The following NEDD4L variants were observed in gnomAD, a reference collection of about 807,000 sequenced individuals.
The protein encoded by NEDD4L is E3 ubiquitin-protein ligase NEDD4-like.
NEDD4L carries 54 observed loss-of-function variants against 148.9 expected under a neutral mutation model. The ratio of observed to expected loss-of-function variants is 0.36; its 90% confidence interval spans 0.29 to 0.45. The LOEUF is 0.45. Ranked by LOEUF, NEDD4L falls within the 20% of genes least tolerant of loss-of-function variation. The pLI is 1.00. For missense variants in NEDD4L, 856 were observed against 1,233.8 expected (o/e 0.69, Z 4.59); for synonymous variants, 433 against 440.7 (o/e 0.98, Z 0.22).
At chr18:58,370,895 C>T (rs150101866) in intron 23 of NEDD4L, among the ~76,000 whole-genome samples, 104 of 152,304 alleles carry the variant, frequency 6.8e-4, no homozygotes, top group African/African-American at 2.2e-3. Context: ...ATCAGGCAGA[C>T]GTCCTAGACA....
Position 58,163,636 on chromosome 18 carries a change from T to C in NEDD4L, c.49-2152T>C, listed in dbSNP as rs112742953. On this transcript the variant is annotated intron_variant, in intron 1 of 30. Coordinates refer to ENST00000400345, the MANE Select transcript of NEDD4L (RefSeq NM_001144967.3). ...AAAGTAGGCCATGTTTGAAAGAACA[T>C]TGGCACAAACGAGTTGCGAACATCT... Among the ~76,000 whole-genome samples, 2 of 152,336 alleles carry C rather than the reference T, an allele frequency of 1.3e-5. 1 individual carries two copies. Among genetic ancestry groups the C allele is most frequent in the African/African-American group, 4.8e-5 (2 of 41,586 alleles).
At chr18:58,119,831 G>A (rs942537212) in intron 1 of NEDD4L, among the ~76,000 whole-genome samples, 2 of 152,194 alleles carry the variant, frequency 1.3e-5, no homozygotes, top group African/African-American at 4.8e-5. Flanking sequence ...TTCATTGGTC[G>A]GGGGCTGGCA....
Position 58,333,847 on chromosome 18 carries a change from A to G in NEDD4L, c.1020A>G (p.Ser340=). The change falls in exon 12 of 31, where the codon TCA becomes TCG. Residue 340 remains serine (S), a synonymous_variant. Transcript: ENST00000400345. ...IQREPSSRLR[S]CSVTDAVAEQ... Reference sequence around the variant, plus strand: ...GAGAACCCTCCTCAAGGTTGAGGTCATGCAGTGTCACCGACGCAGTTGCAG... The same window carrying G: ...GAGAACCCTCCTCAAGGTTGAGGTCGTGCAGTGTCACCGACGCAGTTGCAG... The G allele has an allele frequency of 6.2e-7, 1 of 1,613,874 alleles. No individual in the cohort carries two copies. The highest frequency in any genetic ancestry group is 1.1e-5 in the South Asian group (1 of 91,054).
rs369073797 is a variant in NEDD4L at position 58,234,604 on chromosome 18, A to AG, written c.123-10822dup. 5.7e-3 allele frequency among the ~76,000 whole-genome samples: 860 copies of AG among 152,174 alleles called. 8 individuals are homozygous for AG. Among genetic ancestry groups the AG allele is most frequent in the African/African-American group, 0.02 (814 of 41,514 alleles). Reference sequence around the variant, plus strand: ...CCTATCTCAGCCTCCCAAAGGGGCGAGATTACAGGCATGAGCCACTGTGCC... The same window carrying AG: ...CCTATCTCAGCCTCCCAAAGGGGCGAGGATTACAGGCATGAGCCACTGTGCC... On this transcript the variant is annotated intron_variant, in intron 2 of 30. Coordinates refer to ENST00000400345, the MANE Select transcript of NEDD4L (RefSeq NM_001144967.3).
chr18:58,292,532 T>C (rs1173436432), intron 5 of NEDD4L, among the ~76,000 whole-genome samples: 1 of 152,192 alleles, frequency 6.6e-6, no homozygotes, highest in East Asian at 1.9e-4. Context: ...ATGATCTCGC[T>C]CCTCTACTCT....
chr18:58,269,664 A>AT (rs1343028786), intron 5 of NEDD4L, among the ~76,000 whole-genome samples: 8 of 152,054 alleles, frequency 5.3e-5, no homozygotes, highest in Non-Finnish European at 8.8e-5. Context: ...AGGGATTCTG[A>AT]TTTTCAGTCA....
In NEDD4L at chr18:58,329,112, C is replaced by T. The variant is rs756556766; in HGVS notation, c.798C>T (p.Gly266=). The change falls in exon 10 of 31, where the codon GGC becomes GGT. Residue 266 remains glycine, a synonymous_variant. Coordinates refer to ENST00000400345, the MANE Select transcript of NEDD4L (RefSeq NM_001144967.3). ...ACTTGGAGCCCGAGCCCTCGGAGGG[C>T]GGGGATGTCCCCGAGGTACGATGTC... ...SEDLEPEPSE[G]GDVPEPWETI... is the part of the protein sequence containing the mutation. The T allele has an allele frequency of 1.9e-6, 3 of 1,613,888 alleles. No individual in the cohort carries two copies. Among genetic ancestry groups the T allele is most frequent in the South Asian group, 2.2e-5 (2 of 91,026 alleles).
rs3760545 is a variant in NEDD4L at position 58,401,299 on chromosome 18, T to G, written c.*5030T>G. The G allele has an allele frequency of 6.6e-6, 1 of 152,238 alleles. No individual in the cohort carries two copies. The highest frequency in any genetic ancestry group is 2.4e-5 in the African/African-American group (1 of 41,466). The allele number at this position is 152,238 out of a possible 1,614,324, so 9.4% of individuals were successfully genotyped here. A position where few individuals can be genotyped will look rare whatever the true frequency, so the allele number is the denominator to read the frequency against. On this transcript the variant is annotated 3_prime_UTR_variant, in exon 31 of 31. Coordinates refer to ENST00000400345, the MANE Select transcript of NEDD4L (RefSeq NM_001144967.3). ...CCTTGAATTTTTTTAAGGCAACTTA[T>G]GAATAATGCTCATTTTCACAGTCAG...
rs189095719 is a variant in NEDD4L at position 58,082,300 on chromosome 18, G to T, written c.48+37592G>T. ...TTTTTGTATTTTTAGTAGAGACGGG[G>T]TTTCACCATGTTGGCCAGGCTGGGC... On this transcript the variant is annotated intron_variant, in intron 1 of 30. Transcript: ENST00000400345. Among the ~76,000 whole-genome samples, 1,249 of 145,974 alleles carry T rather than the reference G, an allele frequency of 8.6e-3. 16 individuals carry two copies. The highest frequency in any genetic ancestry group is 0.029 in the African/African-American group (1,171 of 39,778).
intron 5 of NEDD4L, among the ~76,000 whole-genome samples, chr18:58,297,302 A>G (rs746896502): frequency 6.6e-6 from 1 of 152,164 alleles, no homozygotes; most frequent in African/African-American, 2.4e-5. Flanking sequence ...GGGGCAGCTT[A>G]TGGACGAGAG....
At chr18:58,082,903 A>T (rs1039101418) in intron 1 of NEDD4L, among the ~76,000 whole-genome samples, 1 of 152,104 alleles carries the variant, frequency 6.6e-6, no homozygotes, top group African/African-American at 2.4e-5. Flanking sequence ...GCTGTTTCTA[A>T]TATTTCTGTA....
chr18:58,197,408 G>A (rs1370169338), intron 2 of NEDD4L, among the ~76,000 whole-genome samples: 9 of 152,062 alleles, frequency 5.9e-5, no homozygotes, highest in Admixed American at 5.2e-4. Context: ...AGAAGGAAAC[G>A]GGGCCCCCTC....
At chr18:58,127,308 G>A (rs899424422) in intron 1 of NEDD4L, among the ~76,000 whole-genome samples, 8 of 152,226 alleles carry the variant, frequency 5.3e-5, no homozygotes, top group South Asian at 2.1e-4. Context: ...GGACGTCCCC[G>A]TCATCACAGG....
At chr18:58,047,294 A>G (rs2081629098) in intron 1 of NEDD4L, 4 of 984,580 alleles carry the variant, frequency 4.1e-6, no homozygotes, top group Non-Finnish European at 4.8e-6. Context: ...TACCTACCAC[A>G]TTTCTTAAAA....
At chr18:58,197,702 T>C (rs556598399) in intron 2 of NEDD4L, 2 of 152,576 alleles carry the variant, frequency 1.3e-5, no homozygotes, top group African/African-American at 4.8e-5. Flanking sequence ...TGCCCACCTG[T>C]AGGAACTGGG....
At chr18:58,277,804 A>G (rs1276194136) in intron 5 of NEDD4L, among the ~76,000 whole-genome samples, 1 of 152,176 alleles carries the variant, frequency 6.6e-6, no homozygotes, top group Admixed American at 6.5e-5. Context: ...TGTTTTTTTA[A>G]AAAGTTAGAA....
chr18:58,336,907 A>G (rs2144972153), intron 13 of NEDD4L, among the ~76,000 whole-genome samples: 1 of 152,290 alleles, frequency 6.6e-6, no homozygotes, highest in Middle Eastern at 3.4e-3. Flanking sequence ...TTTGAGGGGG[A>G]CAAGATCGTT....
intron 5 of NEDD4L, among the ~76,000 whole-genome samples, chr18:58,271,457 A>G (rs970544652): frequency 1.3e-5 from 2 of 152,186 alleles, no homozygotes; most frequent in African/African-American, 4.8e-5. Context: ...ACTTTTTGGT[A>G]ATGGCTACCT....
intron 1 of NEDD4L, among the ~76,000 whole-genome samples, chr18:58,121,645 G>A (rs1214949886): frequency 6.6e-6 from 1 of 152,198 alleles, no homozygotes. Context: ...CTGGGCTCAA[G>A]TCATCATCCT....
Sources: allele counts gnomAD v4.1 joint callset (sites outside exome capture counted in the v4.1 genomes callset), GRCh38; gene constraint gnomAD v4.1.1; transcripts MANE v1.5; gene names NCBI Gene and HGNC (gene_info 2026-07-23, HGNC 2026-07-21).